Variants in UBE2N observed in about 807,000 individuals in gnomAD.
UBE2N encodes the protein ubiquitin-conjugating enzyme E2 N.
For synonymous variants in UBE2N, 70 were observed against 69.2 expected, an observed-to-expected ratio of 1.01 and a Z score of -0.06; for missense variants, 60 against 192.1, an observed-to-expected ratio of 0.31 and a Z score of 4.07.
chr12:93,428,512 T>C (rs986295460), intron 1 of UBE2N, among the ~76,000 whole-genome samples: 3 of 152,210 alleles, frequency 2.0e-5, no homozygotes, highest in Non-Finnish European at 4.4e-5. Context: ...GGTGTTCCCA[T>C]TGATGCCTTT....
chr12:93,438,573 G>C (rs1879006063), intron 1 of UBE2N, among the ~76,000 whole-genome samples: 1 of 152,082 alleles, frequency 6.6e-6, no homozygotes, highest in Admixed American at 6.6e-5. Context: ...TTATAGCTAA[G>C]GGGTGGGGGG....
intron 1 of UBE2N, 102 bp from the exon 2 acceptor site, chr12:93,411,401 C>T (rs1878026664): frequency 2.8e-6 from 4 of 1,450,710 alleles, no homozygotes; most frequent in Middle Eastern, 1.8e-4. Flanking sequence ...CATAATAGAA[C>T]AGCTCCAATC....
At chr12:93,440,730 T>C (rs1879074695) in intron 1 of UBE2N, among the ~76,000 whole-genome samples, 1 of 152,180 alleles carries the variant, frequency 6.6e-6, no homozygotes, top group African/African-American at 2.4e-5. Flanking sequence ...ATTTCCTTCA[T>C]AAAAACCGAC....
rs1050911392 is a variant in UBE2N at position 93,440,188 on chromosome 12, G to A, written c.30+1667C>T. Among the ~76,000 whole-genome samples the A allele has an allele frequency of 2.0e-5, 3 of 152,252 alleles. No individual in the cohort carries two copies. The East Asian group carries it at 5.8e-4, about 29-fold the overall frequency. On this transcript the variant is annotated intron_variant, in intron 1 of 3. Coordinates refer to ENST00000318066, the MANE Select transcript of UBE2N (RefSeq NM_003348.4). Reference sequence around the variant, plus strand: ...TAACCTAAGTAACAACGAAAACAAGGATATTTGATGTATGGCTCTATCACT... The same window carrying A: ...TAACCTAAGTAACAACGAAAACAAGAATATTTGATGTATGGCTCTATCACT...
At chr12:93,426,043 G>T (rs1248986275) in intron 1 of UBE2N, among the ~76,000 whole-genome samples, 1 of 152,162 alleles carries the variant, frequency 6.6e-6, no homozygotes. Flanking sequence ...TATCAATTAG[G>T]TCTGAAATTT....
At chr12:93,435,718 AC>A (rs766759405) in intron 1 of UBE2N, among the ~76,000 whole-genome samples, 1 of 152,214 alleles carries the variant, frequency 6.6e-6, no homozygotes, top group Non-Finnish European at 1.5e-5. Flanking sequence ...TGGCTTTTAA[AC>A]AGTAACAGGA....
intron 1 of UBE2N, among the ~76,000 whole-genome samples, chr12:93,429,128 G>A (rs1317317659): frequency 6.6e-6 from 1 of 152,008 alleles, no homozygotes; most frequent in East Asian, 1.9e-4. Flanking sequence ...AAATTAGCTG[G>A]GTGTGGTGGT....
chr12:93,429,332 T>C, intron 1 of UBE2N: 1 of 417,932 alleles, frequency 2.4e-6, no homozygotes. Flanking sequence ...GAATGCAAGA[T>C]AACTCTAACA....
At chr12:93,420,386 A>G (rs1404519940) in intron 1 of UBE2N, among the ~76,000 whole-genome samples, 1 of 152,186 alleles carries the variant, frequency 6.6e-6, no homozygotes, top group East Asian at 1.9e-4. Flanking sequence ...TGGGAGCTGG[A>G]GGGACTTCTG....
At chr12:93,421,215 C>CGG (rs1878398577) in intron 1 of UBE2N, among the ~76,000 whole-genome samples, 1 of 68,786 alleles carries the variant, frequency 1.5e-5, no homozygotes, top group Non-Finnish European at 3.1e-5. Flanking sequence ...TTTGGGGGGG[C>CGG]TGGGGGGACA....
chr12:93,410,095 A>C lies in UBE2N; in HGVS notation c.419-16T>G, dbSNP rs1877988982. ...CATGCTCTAGCTGTAGACAGAAACA[A>C]ACATACGATTATTATTTTACTTAGT... On this transcript the variant is annotated splice_polypyrimidine_tract_variant and intron_variant, in intron 3 of 3. Coordinates refer to ENST00000318066, the MANE Select transcript of UBE2N (RefSeq NM_003348.4). The C allele has an allele frequency of 1.2e-6, 2 of 1,611,708 alleles. No homozygotes were observed. Among genetic ancestry groups the C allele is most frequent in the Non-Finnish European group, 1.7e-6 (2 of 1,178,792 alleles).
rs529945701 is a variant in UBE2N at position 93,413,833 on chromosome 12, C to G, written c.31-2534G>C. On this transcript the variant is annotated intron_variant, in intron 1 of 3. Transcript: ENST00000318066. ...CTTCCTGCTTCTGACCTCACTACCT[C>G]CCTCGCAGGTCTATTATCCACAGAC... Among the ~76,000 whole-genome samples the G allele has an allele frequency of 3.3e-5, 5 of 152,334 alleles. No individual in the cohort carries two copies. The East Asian group carries it at 9.7e-4, about 29-fold the overall frequency.
chr12:93,418,329 A>AC (rs1357494225), intron 1 of UBE2N, among the ~76,000 whole-genome samples: 1 of 152,054 alleles, frequency 6.6e-6, no homozygotes, highest in East Asian at 1.9e-4. Context: ...ATACCACTGC[A>AC]CCCCAGCCTG....
At chr12:93,417,080 T>A (rs562261291) in intron 1 of UBE2N, among the ~76,000 whole-genome samples, 56 of 152,286 alleles carry the variant, frequency 3.7e-4, no homozygotes, top group Middle Eastern at 3.4e-3. Flanking sequence ...GTTCAGGAAG[T>A]TAGTTACTAA....
chr12:93,423,642 T>C (rs1878486157), intron 1 of UBE2N, among the ~76,000 whole-genome samples: 1 of 152,210 alleles, frequency 6.6e-6, no homozygotes, highest in Non-Finnish European at 1.5e-5. Flanking sequence ...ACCAATGTGA[T>C]ATGTGACCAC....
rs150810295 is a variant in UBE2N, at chr12:93,427,599, T to C, written c.30+14256A>G. Among the ~76,000 whole-genome samples, 283 of 152,258 alleles carry C rather than the reference T, an allele frequency of 1.9e-3. 2 individuals carry two copies. The highest frequency in any genetic ancestry group is 6.5e-3 in the African/African-American group (271 of 41,538). On this transcript the variant is annotated intron_variant, in intron 1 of 3. Transcript: ENST00000318066. ...ATAAATGGTTGCCAGGGGTTGAAGG[T>C]AGAGTGACTGCTAATGAGCACAGGG...
intron 1 of UBE2N, among the ~76,000 whole-genome samples, chr12:93,430,516 C>CA (rs1254000624): frequency 5.3e-5 from 8 of 151,982 alleles, no homozygotes; most frequent in Admixed American, 5.2e-4. Context: ...CCATCCAGAC[C>CA]AGAGGCATTC....
rs529277819 is a variant in UBE2N at position 93,419,327 on chromosome 12, T to C, written c.31-8028A>G. 2.6e-5 allele frequency among the ~76,000 whole-genome samples: 4 copies of C among 151,954 alleles called. 1 individual carries two copies. In the East Asian group the frequency reaches 7.7e-4, roughly 29 times the overall value. ...ATCACTTGAACCTGGGAGACGGAGG[T>C]TGCAGTGAGCCGAGATCGTGCCACT... On this transcript the variant is annotated intron_variant, in intron 1 of 3. Coordinates refer to ENST00000318066, the MANE Select transcript of UBE2N (RefSeq NM_003348.4).
Position 93,441,920 on chromosome 12 carries a change from T to G in UBE2N, c.-36A>C. 1 of 1,561,084 alleles carries G rather than the reference T, an allele frequency of 6.4e-7. No individual in the cohort carries two copies. Among genetic ancestry groups the G allele is most frequent in the Non-Finnish European group, 8.6e-7 (1 of 1,156,090 alleles). On this transcript the variant is annotated 5_prime_UTR_variant, in exon 1 of 4. Transcript: ENST00000318066. ...CCCGAGTTCGGCCTCTGGTCTCGTCTCCGGCTCCTCTCGCCTCACGCACGA... is the reference window on the plus strand; with the variant it reads ...CCCGAGTTCGGCCTCTGGTCTCGTCGCCGGCTCCTCTCGCCTCACGCACGA...
Sources: allele counts gnomAD v4.1 joint callset (sites outside exome capture counted in the v4.1 genomes callset), GRCh38; gene constraint gnomAD v4.1.1; transcripts MANE v1.5; gene names NCBI Gene and HGNC (gene_info 2026-07-23, HGNC 2026-07-21).